TLE4: variants seen among roughly 807,000 people sequenced by gnomAD.
The protein encoded by TLE4 is TLE family member 4, transcriptional corepressor, also known as transducin-like enhancer protein 4.
In TLE4, 8 loss-of-function variants were observed where a neutral mutation model predicts 92.8. The ratio of observed to expected loss-of-function variants is 0.09; its 90% CI spans 0.05 to 0.16. The LOEUF is 0.16. Ranked by LOEUF, TLE4 falls within the 10% of genes least tolerant of loss-of-function variation. The probability of loss-of-function intolerance (pLI) is 1.00; values close to 1 mark genes in which losing one functional copy is unlikely to be tolerated. For missense variants in TLE4, 675 were observed against 997.6 expected (o/e 0.68, Z 4.36); for synonymous variants, 371 against 374.1 (o/e 0.99, Z 0.10).
chr9:79,575,202 AAAAAC>A (rs1333887261), intron 3 of TLE4, among the ~76,000 whole-genome samples: 1 of 152,222 alleles, frequency 6.6e-6, no homozygotes, highest in Non-Finnish European at 1.5e-5. Context: ...GAAAAAAAAT[AAAAAC>A]AAAACCTTGT....
intron 17 of TLE4, 28 bp from the exon 18 acceptor site, chr9:79,722,423 C>T: frequency 3.7e-6 from 6 of 1,612,674 alleles, no homozygotes; most frequent in Non-Finnish European, 5.1e-6. Context: ...ACTGTGGCCA[C>T]TGTCACCATC....
At chr9:79,717,517 T>C (rs908595045) in intron 14 of TLE4, among the ~76,000 whole-genome samples, 1 of 152,218 alleles carries the variant, frequency 6.6e-6, no homozygotes, top group African/African-American at 2.4e-5. Context: ...CACTGTCTAG[T>C]GCCCTCATCT....
At chr9:79,697,975 T>C (rs1345444550) in intron 8 of TLE4, among the ~76,000 whole-genome samples, 32 of 152,340 alleles carry the variant, frequency 2.1e-4, no homozygotes, top group Non-Finnish European at 2.9e-5. Flanking sequence ...TAAATACTTG[T>C]TGAATGAGTC....
At chr9:79,611,576 G>T (rs1246514070) in intron 4 of TLE4, among the ~76,000 whole-genome samples, 1 of 151,980 alleles carries the variant, frequency 6.6e-6, no homozygotes, top group African/African-American at 2.4e-5. Context: ...ATGAGGAACT[G>T]ACCCTGGATG....
At chr9:79,612,757 C>T in intron 5 of TLE4, 39 bp downstream of exon 5, 1 of 1,577,126 alleles carries the variant, frequency 6.3e-7, no homozygotes, top group Non-Finnish European at 8.7e-7. Context: ...TAGAAGTTGC[C>T]ATTTTAGTGG....
At chr9:79,703,388 C>T (rs2070523376) in intron 8 of TLE4, among the ~76,000 whole-genome samples, 1 of 152,210 alleles carries the variant, frequency 6.6e-6, no homozygotes, top group Non-Finnish European at 1.5e-5. Context: ...CGCTCTCCCA[C>T]CTCACCTGCA....
intron 4 of TLE4, among the ~76,000 whole-genome samples, chr9:79,600,276 C>T (rs2045274786): frequency 6.6e-6 from 1 of 152,060 alleles, no homozygotes; most frequent in African/African-American, 2.4e-5. Flanking sequence ...AAGAAGAAAA[C>T]AAACAAAAGT....
chr9:79,600,408 C>T (rs937947511), intron 4 of TLE4, among the ~76,000 whole-genome samples: 2 of 152,028 alleles, frequency 1.3e-5, no homozygotes, highest in African/African-American at 4.8e-5. Flanking sequence ...TTCCCCCAGC[C>T]ATTGAAGGAA....
chr9:79,716,288 T>C (rs2074483092), intron 14 of TLE4, among the ~76,000 whole-genome samples: 1 of 152,184 alleles, frequency 6.6e-6, no homozygotes, highest in African/African-American at 2.4e-5. Context: ...CCTGGCACGT[T>C]CCCCATTACT....
intron 8 of TLE4, among the ~76,000 whole-genome samples, chr9:79,657,359 T>A (rs140081847): frequency 2.6e-5 from 4 of 152,184 alleles, no homozygotes; most frequent in Non-Finnish European, 5.9e-5. Flanking sequence ...CACCATCTTA[T>A]GTAGTATCAA....
intron 4 of TLE4, among the ~76,000 whole-genome samples, chr9:79,586,168 C>T (rs908507995): frequency 6.6e-6 from 1 of 151,958 alleles, no homozygotes; most frequent in Non-Finnish European, 1.5e-5. Context: ...GTCAGGAGAT[C>T]GAGACTGTCC....
In TLE4 at chr9:79,715,855, T is replaced by TATC. The variant is rs375378112; in HGVS notation, c.1341-2862_1341-2860dup. Among the ~76,000 whole-genome samples, 780 of 152,240 alleles carry TATC rather than the reference T, an allele frequency of 5.1e-3. 2 individuals are homozygous for TATC. The highest frequency in any genetic ancestry group is 0.017 in the Middle Eastern group (5 of 294). ...ATTTACAGGTTCACAAAGAAGAGCT[T>TATC]ATCATCACCCCTGTGTCACCTCCAG... On this transcript the variant is annotated intron_variant, in intron 14 of 19. Transcript: ENST00000376552.
At chr9:79,616,343 G>T (rs907051145) in intron 5 of TLE4, among the ~76,000 whole-genome samples, 2 of 152,138 alleles carry the variant, frequency 1.3e-5, no homozygotes, top group African/African-American at 4.8e-5. Flanking sequence ...TAATCATAGC[G>T]TGAAACACAT....
rs1439088281 is a variant in TLE4 at position 79,640,589 on chromosome 9, G to A, written c.391-12004G>A. 2.0e-5 allele frequency among the ~76,000 whole-genome samples: 3 copies of A among 151,958 alleles called. No homozygotes were observed. The East Asian group carries it at 5.8e-4, about 30-fold the overall frequency. On this transcript the variant is annotated intron_variant, in intron 6 of 19. Transcript: ENST00000376552. ...TACTTATGTTCCAAATTTCCAGGGT[G>A]TCCTGAATTCCTCCACTTAGTCTCA...
At chr9:79,672,065 A>G (rs1263336417) in intron 8 of TLE4, among the ~76,000 whole-genome samples, 1 of 111,750 alleles carries the variant, frequency 8.9e-6, no homozygotes, top group Non-Finnish European at 1.6e-5. Context: ...CCTTTCAGTG[A>G]TTAGTGCCCT....
intron 4 of TLE4, among the ~76,000 whole-genome samples, chr9:79,596,063 G>A (rs1198979113): frequency 6.6e-6 from 1 of 151,952 alleles, no homozygotes; most frequent in Non-Finnish European, 1.5e-5. Flanking sequence ...AGCCAGGATG[G>A]TCTCGATCTC....
At chr9:79,676,087 G>T (rs2063207917) in intron 8 of TLE4, among the ~76,000 whole-genome samples, 1 of 152,024 alleles carries the variant, frequency 6.6e-6, no homozygotes, top group Non-Finnish European at 1.5e-5. Flanking sequence ...AGATTGCCCT[G>T]GTAGAGTGAC....
At chr9:79,600,497 A>C (rs1468491772) in intron 4 of TLE4, among the ~76,000 whole-genome samples, 1 of 152,202 alleles carries the variant, frequency 6.6e-6, no homozygotes, top group Non-Finnish European at 1.5e-5. Flanking sequence ...ACAAAAACAG[A>C]CAAGGAATTA....
At chr9:79,573,527 G>A in intron 1 of TLE4, 162 bp from the exon 2 acceptor site, 1 of 813,570 alleles carries the variant, frequency 1.2e-6, no homozygotes. Context: ...CTCTGCCTGG[G>A]CTGTTGGGCG....
Sources: allele counts gnomAD v4.1 joint callset (sites outside exome capture counted in the v4.1 genomes callset), GRCh38; gene constraint gnomAD v4.1.1; transcripts MANE v1.5; gene names NCBI Gene and HGNC (gene_info 2026-07-23, HGNC 2026-07-21).